The following SLIT3 variants were observed in gnomAD, a reference collection of about 807,000 sequenced individuals.
SLIT3 encodes slit guidance ligand 3, also known as slit homolog 3 protein.
In SLIT3, 68 loss-of-function variants were observed where a neutral mutation model predicts 184.0. That is an observed-to-expected ratio of 0.37 (90% CI 0.30 to 0.45). The LOEUF (loss-of-function observed/expected upper bound fraction) is 0.45, where lower values mean the gene tolerates loss of function less well. Ranked by LOEUF, SLIT3 falls within the 20% of genes least tolerant of loss-of-function variation. The probability of loss-of-function intolerance (pLI) is 1.00; values close to 1 mark genes in which losing one functional copy is unlikely to be tolerated. For synonymous variants in SLIT3, 831 were observed against 828.6 expected, an observed-to-expected ratio of 1.00 and a Z score of -0.05; for missense variants, 1,707 against 2,026.0, an observed-to-expected ratio of 0.84 and a Z score of 3.02.
Position 169,154,560 on chromosome 5 carries a change from G to C in SLIT3, c.413+38919C>G, listed in dbSNP as rs564288909. On this transcript the variant is annotated intron_variant, in intron 4 of 35. Transcript: ENST00000519560. The stretch of plus-strand genomic sequence containing the variant: ...CTGTTGAGTTAACAGCATAGGCTCT[G>C]GGTCAAATCCCAGCCCCAGAGCTCC... Among the ~76,000 whole-genome samples the C allele has an allele frequency of 3.3e-5, 5 of 152,306 alleles. No homozygotes were observed. In the South Asian group the frequency reaches 1.0e-3, roughly 32 times the overall value.
chr5:168,781,359 C>A (rs75409353), intron 12 of SLIT3, among the ~76,000 whole-genome samples: 12 of 152,182 alleles, frequency 7.9e-5, no homozygotes, highest in African/African-American at 2.4e-4. Flanking sequence ...TATCTGATTG[C>A]CACATGGTTA....
intron 3 of SLIT3, among the ~76,000 whole-genome samples, chr5:169,225,653 C>A (rs1191659583): frequency 6.6e-6 from 1 of 152,092 alleles, no homozygotes; most frequent in African/African-American, 2.4e-5. Context: ...GAAGGCTTCC[C>A]GGAGGAAGTG....
chr5:168,711,507 G>A lies in SLIT3; in HGVS notation c.2556-449C>T, dbSNP rs150681667. Among the ~76,000 whole-genome samples, 293 of 151,846 alleles carry A rather than the reference G, an allele frequency of 1.9e-3. 3 individuals are homozygous for A. Among genetic ancestry groups the A allele is most frequent in the African/African-American group, 6.7e-3 (275 of 41,312 alleles). ...CTTTCATCCCAGTTGTGACTGGGAC[G>A]AAAATACTAGAAATTCTGTTTTTTT... On this transcript the variant is annotated intron_variant, in intron 24 of 35. Transcript: ENST00000519560.
At chr5:168,939,780 C>T (rs1394850145) in intron 4 of SLIT3, among the ~76,000 whole-genome samples, 2 of 152,250 alleles carry the variant, frequency 1.3e-5, no homozygotes, top group Non-Finnish European at 2.9e-5. Context: ...ACATTTTATG[C>T]TATCAGTGTT....
intron 12 of SLIT3, among the ~76,000 whole-genome samples, chr5:168,783,478 C>T (rs987049073): frequency 2.0e-5 from 3 of 152,120 alleles, no homozygotes; most frequent in African/African-American, 4.8e-5. Context: ...ACTTTATTAC[C>T]GCCAGCATCA....
chr5:168,696,523 A>G, intron 27 of SLIT3, 92 bp from the exon 28 acceptor site: 1 of 1,477,494 alleles, frequency 6.8e-7, no homozygotes, highest in Non-Finnish European at 9.3e-7. Context: ...GGTGGGAAAT[A>G]CAATTAGTTT....
intron 4 of SLIT3, among the ~76,000 whole-genome samples, chr5:169,174,888 AT>A (rs1419410824): frequency 6.6e-6 from 1 of 152,184 alleles, no homozygotes; most frequent in Non-Finnish European, 1.5e-5. Flanking sequence ...TAAAAAAAAA[AT>A]CTTCCTCTAA....
In SLIT3 at chr5:169,296,388, G is replaced by A. The variant is rs548816837; in HGVS notation, c.197+4125C>T. ...TTTCATGAAAATGAGGCCCAGAGAG[G>A]TAATGTAATCCGTTCAGAGTTGCAC... is the stretch of plus-strand genomic sequence containing the variant. On this transcript the variant is annotated intron_variant, in intron 1 of 35. Coordinates refer to ENST00000519560, the MANE Select transcript of SLIT3 (RefSeq NM_003062.4). Among the ~76,000 whole-genome samples, 154 of 152,294 alleles carry A rather than the reference G, an allele frequency of 1.0e-3. 1 individual carries two copies. Among genetic ancestry groups the A allele is most frequent in the African/African-American group, 3.6e-3 (148 of 41,558 alleles).
chr5:168,700,377 CT>C (rs1484644477), intron 27 of SLIT3, among the ~76,000 whole-genome samples: 1 of 152,200 alleles, frequency 6.6e-6, no homozygotes. Context: ...GGGAGTTCCC[CT>C]GCACAAGCTC....
chr5:169,037,343 A>T (rs922635103), intron 4 of SLIT3, among the ~76,000 whole-genome samples: 4 of 152,204 alleles, frequency 2.6e-5, no homozygotes, highest in African/African-American at 9.6e-5. Flanking sequence ...CCATAGCTTT[A>T]TTCGTTAGTG....
chr5:168,982,128 A>C (rs749249166), intron 4 of SLIT3, among the ~76,000 whole-genome samples: 1 of 152,192 alleles, frequency 6.6e-6, no homozygotes, highest in Non-Finnish European at 1.5e-5. Flanking sequence ...ATGTAATTTT[A>C]TGCCTGTGTA....
Position 168,753,098 on chromosome 5 carries a change from C to T in SLIT3, c.1830G>A (p.Leu610=). 8 of 1,614,038 alleles carry T rather than the reference C, an allele frequency of 5.0e-6. No homozygotes were observed. The highest frequency in any genetic ancestry group is 6.8e-6 in the Non-Finnish European group (8 of 1,179,980). Residue 610 remains leucine, a splice_region_variant and synonymous_variant, in exon 18 of 36, where the codon TTG becomes TTA. Transcript: ENST00000519560. ...AGCCGATCAAGTTACTCCTCAGCAT[C>T]CTACAGGGAGAGGGGTGGGGATGAG... ...VFRGLSGLKT[L]MLRSNLIGCV...
At chr5:168,974,886 G>A (rs1479684260) in intron 4 of SLIT3, among the ~76,000 whole-genome samples, 1 of 152,194 alleles carries the variant, frequency 6.6e-6, no homozygotes, top group Admixed American at 6.5e-5. Flanking sequence ...CCACATATTA[G>A]CACACCCCGG....
chr5:168,897,464 G>A (rs7704619), intron 4 of SLIT3, among the ~76,000 whole-genome samples: 1 of 151,700 alleles, frequency 6.6e-6, no homozygotes, highest in African/African-American at 2.4e-5. Flanking sequence ...AGTTAAAGAG[G>A]GAGACTGACA....
At chr5:169,116,414 T>A (rs758403278) in intron 4 of SLIT3, among the ~76,000 whole-genome samples, 1 of 152,096 alleles carries the variant, frequency 6.6e-6, no homozygotes, top group Non-Finnish European at 1.5e-5. Context: ...TCATTGGCAA[T>A]AGGGAGCCTT....
chr5:168,666,492 C>T lies in SLIT3; in HGVS notation c.4534G>A (p.Glu1512Lys), dbSNP rs911349515. 4.4e-6 allele frequency: 7 copies of T among 1,602,666 alleles called. No individual in the cohort carries two copies. The highest frequency in any genetic ancestry group is 5.1e-6 in the Non-Finnish European group (6 of 1,173,788). ...TDGSSFVEEV[E>K]RHLECGCLAC... The stretch of plus-strand genomic sequence containing the variant: ...AGGCAGCCGCACTCTAAGTGTCTCT[C>T]CACCTCTTCTACAAACGAGGAGCCG... The change falls in exon 36 of 36, where the codon GAG becomes AAG. Residue 1512 changes from glutamate to lysine, a missense_variant. Around this residue, in one of 3 missense-constraint regions of SLIT3, gnomAD observed 387 missense variants for 477.9 expected, o/e 0.81. Transcript: ENST00000519560.
intron 19 of SLIT3, among the ~76,000 whole-genome samples, 185 bp from the exon 20 acceptor site, chr5:168,748,619 C>G (rs1315075360): frequency 6.6e-6 from 1 of 152,196 alleles, no homozygotes; most frequent in African/African-American, 2.4e-5. Flanking sequence ...CCTTTTACCT[C>G]ATTTGACATA....
intron 14 of SLIT3, chr5:168,772,542 C>A: frequency 1.9e-6 from 1 of 528,982 alleles, no homozygotes; most frequent in Non-Finnish European, 3.3e-6. Context: ...GTCTCCCCTG[C>A]AACCGTCTCC....
At chr5:169,197,518 A>G (rs1763776731) in intron 3 of SLIT3, among the ~76,000 whole-genome samples, 1 of 152,178 alleles carries the variant, frequency 6.6e-6, no homozygotes, top group Admixed American at 6.5e-5. Flanking sequence ...ATAAACAGGT[A>G]AGTGCCGGGT....
Sources: allele counts gnomAD v4.1 joint callset (sites outside exome capture counted in the v4.1 genomes callset), GRCh38; gene constraint gnomAD v4.1.1; regional missense constraint gnomAD v4.1.1; transcripts MANE v1.5; gene names NCBI Gene and HGNC (gene_info 2026-07-23, HGNC 2026-07-21).